NOL4: variants seen among roughly 807,000 people sequenced by gnomAD.
The protein encoded by NOL4 is nucleolar protein 4, also known as cancer/testis antigen 125.
In NOL4, 17 loss-of-function variants were observed where a neutral mutation model predicts 75.9. That is an observed-to-expected ratio of 0.22 (90% CI 0.15 to 0.34). The LOEUF (loss-of-function observed/expected upper bound fraction) is 0.34. Ranked by LOEUF, NOL4 falls within the 10% of genes least tolerant of loss-of-function variation. The pLI is 1.00. For synonymous variants in NOL4, 292 were observed against 289.9 expected, an observed-to-expected ratio of 1.01 and a Z score of -0.07; for missense variants, 614 against 793.5, an observed-to-expected ratio of 0.77 and a Z score of 2.72.
At chr18:33,970,669 T>C (rs2070977423) in intron 6 of NOL4, among the ~76,000 whole-genome samples, 1 of 152,168 alleles carries the variant, frequency 6.6e-6, no homozygotes, top group South Asian at 2.1e-4. Context: ...TACAGAATGT[T>C]AGATAAATCT....
intron 8 of NOL4, among the ~76,000 whole-genome samples, chr18:33,943,790 C>T (rs183500352): frequency 1.3e-5 from 2 of 151,714 alleles, no homozygotes; most frequent in Non-Finnish European, 2.9e-5. Context: ...TGTGTACATG[C>T]CTGTTTTGTT....
intron 1 of NOL4, among the ~76,000 whole-genome samples, chr18:34,138,979 T>C (rs1333411381): frequency 6.6e-6 from 1 of 152,208 alleles, no homozygotes; most frequent in Non-Finnish European, 1.5e-5. Flanking sequence ...TGGATTACAT[T>C]TATTGATTTG....
chr18:33,878,786 T>C (rs892146256), intron 10 of NOL4, among the ~76,000 whole-genome samples: 1 of 152,108 alleles, frequency 6.6e-6, no homozygotes, highest in Non-Finnish European at 1.5e-5. Context: ...CTACTGGTAC[T>C]ACCAATTCAA....
At chr18:33,862,820 G>T (rs2063221670) in intron 10 of NOL4, among the ~76,000 whole-genome samples, 1 of 152,160 alleles carries the variant, frequency 6.6e-6, no homozygotes, top group Non-Finnish European at 1.5e-5. Context: ...TACACTGTTG[G>T]TGGGACTGTA....
intron 1 of NOL4, among the ~76,000 whole-genome samples, chr18:34,137,941 G>A (rs2080967476): frequency 1.3e-5 from 2 of 152,036 alleles, no homozygotes; most frequent in Non-Finnish European, 2.9e-5. Flanking sequence ...AAATGTATAA[G>A]CAAAATGTGG....
At position 34,222,011 on chromosome 18, in the gene NOL4, A is replaced by G. The variant is rs544026792; in HGVS notation, c.264+979T>C. On this transcript the variant is annotated intron_variant, in intron 1 of 10. Transcript: ENST00000261592. ...GCCTCCCCCATCCCTACTCCAGGCG[A>G]GTACCCACCGTGGCATGATGCAGAA... 6.5e-6 allele frequency: 10 copies of G among 1,534,588 alleles called. No individual in the cohort carries two copies. The Admixed American group carries it at 1.2e-4, about 18-fold the overall frequency.
At chr18:34,079,215 G>C (rs2077884513) in intron 5 of NOL4, among the ~76,000 whole-genome samples, 1 of 152,110 alleles carries the variant, frequency 6.6e-6, no homozygotes, top group East Asian at 1.9e-4. Flanking sequence ...AAGGAGGCAA[G>C]TGTATTCTCC....
chr18:34,210,439 T>C (rs2146554432), intron 1 of NOL4, among the ~76,000 whole-genome samples: 1 of 152,342 alleles, frequency 6.6e-6, no homozygotes, highest in South Asian at 2.1e-4. Context: ...TATGATATAT[T>C]TAAATCACAT....
chr18:34,196,962 T>G (rs779386853), intron 1 of NOL4, among the ~76,000 whole-genome samples: 28 of 152,188 alleles, frequency 1.8e-4, no homozygotes, highest in Non-Finnish European at 3.8e-4. Context: ...GCCATCTCTT[T>G]GATATCAAAC....
chr18:33,948,628 C>A (rs2068997440), intron 8 of NOL4, among the ~76,000 whole-genome samples: 1 of 152,022 alleles, frequency 6.6e-6, no homozygotes, highest in African/African-American at 2.4e-5. Context: ...TTAAAAATGA[C>A]AAAACTGAGG....
intron 1 of NOL4, among the ~76,000 whole-genome samples, chr18:34,207,396 T>A (rs1052969231): frequency 1.3e-5 from 2 of 152,210 alleles, no homozygotes; most frequent in Non-Finnish European, 2.9e-5. Context: ...TTCTGTCTTG[T>A]CTTCACAGTT....
intron 1 of NOL4, chr18:34,220,946 T>G (rs1215547043): frequency 6.6e-6 from 1 of 152,170 alleles, no homozygotes; most frequent in Admixed American, 6.5e-5. Flanking sequence ...TCTGCATAAA[T>G]TTTTGACTGA....
At chr18:33,913,486 G>T (rs551425034) in intron 9 of NOL4, among the ~76,000 whole-genome samples, 19 of 152,166 alleles carry the variant, frequency 1.2e-4, no homozygotes, top group African/African-American at 4.6e-4. Flanking sequence ...CAAATGATTT[G>T]TTCTACTTCT....
At chr18:34,143,061 G>A (rs948460133) in intron 1 of NOL4, among the ~76,000 whole-genome samples, 13 of 151,874 alleles carry the variant, frequency 8.6e-5, no homozygotes, top group African/African-American at 3.1e-4. Flanking sequence ...AATAAAACGA[G>A]GAGGGAGGGG....
chr18:33,869,216 T>G (rs2063578394), intron 10 of NOL4, among the ~76,000 whole-genome samples: 1 of 151,944 alleles, frequency 6.6e-6, no homozygotes, highest in African/African-American at 2.4e-5. Context: ...TTATAAGGTA[T>G]ATATTTATAG....
intron 10 of NOL4, among the ~76,000 whole-genome samples, chr18:33,862,058 G>T (rs1162563518): frequency 6.6e-6 from 1 of 152,058 alleles, no homozygotes; most frequent in East Asian, 1.9e-4. Flanking sequence ...CATGGTACTG[G>T]TACCAAAACA....
chr18:34,165,157 G>T (rs977495760), intron 1 of NOL4, among the ~76,000 whole-genome samples: 7 of 151,344 alleles, frequency 4.6e-5, no homozygotes, highest in African/African-American at 1.7e-4. Context: ...CGAGTTAATG[G>T]GTGCAGCACA....
chr18:34,031,942 A>G (rs76910282), intron 5 of NOL4, among the ~76,000 whole-genome samples: 20,760 of 152,148 alleles, frequency 0.14, 1,508 homozygotes, highest in Middle Eastern at 0.2. Flanking sequence ...GGTCCCAAAA[A>G]ACACCTGGAG....
At chr18:33,944,873 C>T (rs1039526189) in intron 8 of NOL4, among the ~76,000 whole-genome samples, 1 of 151,740 alleles carries the variant, frequency 6.6e-6, no homozygotes, top group African/African-American at 2.4e-5. Context: ...TAGTCCAAAG[C>T]CAAATAAATT....
Sources: gnomAD v4.1 joint callset for allele counts (sites outside exome capture counted in the v4.1 genomes callset) on GRCh38, gnomAD v4.1.1 for gene constraint, MANE v1.5 for transcripts, NCBI Gene and HGNC (gene_info 2026-07-23, HGNC 2026-07-21) for gene names.